The following LGMN variants were observed in gnomAD, a reference collection of about 807,000 sequenced individuals.
LGMN encodes legumain.
A neutral mutation model predicts 56.8 loss-of-function variants in LGMN; 36 were observed. That is an observed-to-expected ratio of 0.63 (90% CI 0.49 to 0.84). The LOEUF (loss-of-function observed/expected upper bound fraction) is 0.84. Ranked by LOEUF, LGMN falls within the 40% of genes least tolerant of loss-of-function variation. LGMN has a pLI of 0.00. For synonymous variants in LGMN, 199 were observed against 210.1 expected, an observed-to-expected ratio of 0.95 and a Z score of 0.46; for missense variants, 446 against 556.1, an observed-to-expected ratio of 0.80 and a Z score of 1.99.
chr14:92,727,178 C>T (rs1300341305), intron 2 of LGMN, among the ~76,000 whole-genome samples: 2 of 88,060 alleles, frequency 2.3e-5, no homozygotes, highest in African/African-American at 9.0e-5. Context: ...CGCCTGTAAT[C>T]GCAGCACTTT....
chr14:92,735,403 C>G (rs988689917), intron 1 of LGMN, among the ~76,000 whole-genome samples: 5 of 152,136 alleles, frequency 3.3e-5, no homozygotes, highest in Non-Finnish European at 5.9e-5. Context: ...GACAGGGTTT[C>G]GCCATGTTGC....
At chr14:92,744,015 G>A (rs1221457152) in intron 1 of LGMN, among the ~76,000 whole-genome samples, 3 of 148,018 alleles carry the variant, frequency 2.0e-5, no homozygotes, top group African/African-American at 5.0e-5. Context: ...TCAGCTGGGT[G>A]TGGTGGCATG....
chr14:92,716,563 G>C (rs900119909), intron 4 of LGMN, among the ~76,000 whole-genome samples: 30 of 152,308 alleles, frequency 2.0e-4, no homozygotes, highest in African/African-American at 7.2e-4. Context: ...AACCCGGGAA[G>C]CGGAGGTTGC....
At chr14:92,739,376 C>T (rs535119787) in intron 1 of LGMN, among the ~76,000 whole-genome samples, 1 of 152,258 alleles carries the variant, frequency 6.6e-6, no homozygotes, top group South Asian at 2.1e-4. Flanking sequence ...CCCCATTACA[C>T]AGGCCTCATC....
chr14:92,712,936 G>T, intron 7 of LGMN, 65 bp from the exon 8 acceptor site: 1 of 1,446,562 alleles, frequency 6.9e-7, no homozygotes, highest in South Asian at 1.2e-5. Context: ...CATGCTACTG[G>T]AGCTCTGCCC....
chr14:92,745,043 A>AGGGAT (rs1284264160), intron 1 of LGMN, among the ~76,000 whole-genome samples: 2 of 152,140 alleles, frequency 1.3e-5, no homozygotes, highest in African/African-American at 2.4e-5. Context: ...CCTGCCTGTA[A>AGGGAT]TCCCAGTACT....
chr14:92,709,744 T>G lies in LGMN; in HGVS notation c.948A>C (p.Lys316Asn). ...PSPDVPLTIM[K>N]RKLMNTNDLE... ...GATCATTGGTGTTCATCAGTTTCCTTTTCATGATGGTGAGAGGCACATCAG... is the reference window on the plus strand; with the variant it reads ...GATCATTGGTGTTCATCAGTTTCCTGTTCATGATGGTGAGAGGCACATCAG... The change falls in exon 11 of 14, where the codon AAA becomes AAC. Residue 316 changes from lysine (K) to asparagine (N), a missense_variant. Coordinates refer to ENST00000334869, the MANE Select transcript of LGMN (RefSeq NM_005606.7). 1 of 1,614,046 alleles carries G rather than the reference T, an allele frequency of 6.2e-7. No homozygotes were observed. The highest frequency in any genetic ancestry group is 1.1e-5 in the South Asian group (1 of 91,076).
chr14:92,713,952 A>C, intron 6 of LGMN, 67 bp from the exon 7 acceptor site: 1 of 1,185,494 alleles, frequency 8.4e-7, no homozygotes. Context: ...AGCCACTAGT[A>C]AAGTTCTGAT....
At chr14:92,740,602 C>A (rs1213490222) in intron 1 of LGMN, among the ~76,000 whole-genome samples, 1 of 152,336 alleles carries the variant, frequency 6.6e-6, no homozygotes, top group South Asian at 2.1e-4. Flanking sequence ...CTGCACCCTG[C>A]ACCCCAGGGC....
chr14:92,712,068 T>C, intron 8 of LGMN, 113 bp from the exon 9 acceptor site: 1 of 812,896 alleles, frequency 1.2e-6, no homozygotes, highest in Non-Finnish European at 2.1e-6. Context: ...CTACTTATGA[T>C]CCACACAGGA....
At position 92,713,822 on chromosome 14, in the gene LGMN, C is replaced by T. The variant is rs1889921828; in HGVS notation, c.543+1G>A. The T allele has an allele frequency of 1.2e-6, 2 of 1,611,290 alleles. No homozygotes were observed. The highest frequency in any genetic ancestry group is 8.5e-7 in the Non-Finnish European group (1 of 1,177,416). On this transcript the variant is annotated splice_donor_variant, in intron 7 of 13. Coordinates refer to ENST00000334869, the MANE Select transcript of LGMN (RefSeq NM_005606.7). LOFTEE classifies it high-confidence loss of function. ...CAAGGCTGCCCCAAGGGCTGAATTA[C>T]CTTTCGGTACATTTTGTGTTTGTAC...
Position 92,709,727 on chromosome 14 carries a change from G to A in LGMN, c.965C>T (p.Thr322Ile). Residue 322 changes from threonine (T) to isoleucine (I), a missense_variant, in exon 11 of 14, where the codon ACC becomes ATC. By Grantham distance (89) the Thr-to-Ile change is moderately conservative. Coordinates refer to ENST00000334869, the MANE Select transcript of LGMN (RefSeq NM_005606.7). Reference protein sequence around the residue: ...LTIMKRKLMNTNDLEESRQLT... With the variant: ...LTIMKRKLMNINDLEESRQLT... ...CTGCCTGGACTCCTCCAGATCATTG[G>A]TGTTCATCAGTTTCCTTTTCATGAT... 4 of 1,614,062 alleles carry A rather than the reference G, an allele frequency of 2.5e-6. No homozygotes were observed. The highest frequency in any genetic ancestry group is 1.7e-6 in the Non-Finnish European group (2 of 1,179,964).
chr14:92,731,078 C>T (rs1307704819), intron 2 of LGMN, among the ~76,000 whole-genome samples: 3 of 152,194 alleles, frequency 2.0e-5, no homozygotes, highest in African/African-American at 7.2e-5. Context: ...CACTTGTGAG[C>T]TGTACCGCTT....
chr14:92,711,944 T>C lies in LGMN; in HGVS notation c.622A>G (p.Thr208Ala), dbSNP rs746961622. The C allele has an allele frequency of 7.4e-6, 12 of 1,611,184 alleles. No individual in the cohort carries two copies. In the Admixed American group the frequency reaches 2.0e-4, roughly 27 times the overall value. Residue 208 changes from threonine to alanine, a missense_variant, in exon 9 of 14, where the codon ACT becomes GCT. Physicochemically the swap from Thr to Ala is moderately conservative, Grantham distance 58. Coordinates refer to ENST00000334869, the MANE Select transcript of LGMN (RefSeq NM_005606.7). The stretch of plus-strand genomic sequence containing the variant: ...GACGACTCTCTGGGGTTGGCAGCAG[T>C]AGTTGCATAAACTACGAGGAATTAA... ...LPDNINVYAT[T>A]AANPRESSYA...
intron 1 of LGMN, among the ~76,000 whole-genome samples, chr14:92,736,975 G>A (rs1057430436): frequency 3.9e-5 from 6 of 152,180 alleles, no homozygotes; most frequent in Non-Finnish European, 8.8e-5. Flanking sequence ...AGAGAGGTGT[G>A]ACAGTCACTA....
intron 1 of LGMN, among the ~76,000 whole-genome samples, chr14:92,737,942 C>A (rs769795937): frequency 1.5e-4 from 23 of 152,194 alleles, no homozygotes; most frequent in Admixed American, 1.4e-3. Flanking sequence ...CTTTTATCAG[C>A]AATAAATGGG....
At chr14:92,711,552 C>G in intron 10 of LGMN, 107 bp downstream of exon 10, 2 of 1,048,580 alleles carry the variant, frequency 1.9e-6, no homozygotes, top group Non-Finnish European at 3.0e-6. Flanking sequence ...CTGCCTCAAG[C>G]ATTCCTCACT....
At chr14:92,720,784 A>G (rs184882899) in intron 2 of LGMN, among the ~76,000 whole-genome samples, 1 of 152,366 alleles carries the variant, frequency 6.6e-6, no homozygotes, top group East Asian at 1.9e-4. Flanking sequence ...GCAAAGGGTT[A>G]TTAAGATAGC....
intron 2 of LGMN, among the ~76,000 whole-genome samples, chr14:92,730,031 C>T (rs1225181703): frequency 6.6e-6 from 1 of 152,164 alleles, no homozygotes; most frequent in East Asian, 1.9e-4. Context: ...TGGATAACCT[C>T]TACTCAATAA....
Sources: gnomAD v4.1 joint callset for allele counts (sites outside exome capture counted in the v4.1 genomes callset) on GRCh38, gnomAD v4.1.1 for gene constraint, MANE v1.5 for transcripts, NCBI Gene and HGNC (gene_info 2026-07-23, HGNC 2026-07-21) for gene names.